The following PRIMA1 variants were observed in gnomAD, a reference collection of about 807,000 sequenced individuals.
PRIMA1 encodes proline rich membrane anchor 1, also known as proline-rich membrane anchor 1.
In PRIMA1, 7 loss-of-function variants were observed where a neutral mutation model predicts 17.5. That is an observed-to-expected ratio of 0.40 (90% CI 0.23 to 0.75). The LOEUF (loss-of-function observed/expected upper bound fraction) is 0.75, where lower values mean the gene tolerates loss of function less well. Among genes scored for constraint, PRIMA1 ranks in the 30% least tolerant of loss-of-function variants. The pLI, the probability that PRIMA1 is intolerant of heterozygous loss-of-function variation, is 0.37. For missense variants in PRIMA1, 200 were observed against 201.8 expected, an observed-to-expected ratio of 0.99 and a Z score of 0.05; for synonymous variants, 97 against 77.9, an observed-to-expected ratio of 1.25 and a Z score of -1.29.
chr14:93,737,445 T>C, intron 3 of PRIMA1, 75 bp from the exon 4 acceptor site: 1 of 1,550,366 alleles, frequency 6.5e-7, no homozygotes, highest in Non-Finnish European at 8.8e-7. Context: ...GGGACCATCA[T>C]GGGTGACACC....
rs2076074116 is a variant in PRIMA1 at position 93,726,141 on chromosome 14, T to C, written c.360-4595A>G. The C allele has an allele frequency of 3.2e-5, 14 of 443,364 alleles. No individual in the cohort carries two copies. The highest frequency in any genetic ancestry group is 2.2e-4 in the South Asian group (14 of 62,794). 27.5% of individuals were successfully genotyped at this position (443,364 alleles called of 1,614,324 possible). A position where few individuals can be genotyped will look rare whatever the true frequency, so the allele number is the denominator to read the frequency against. ...CTTGGAGGGCAGCAGGCTCCCACATTCCCTGCTCGGAGTGCCGCGCGGACA... is the reference window on the plus strand; with the variant it reads ...CTTGGAGGGCAGCAGGCTCCCACATCCCCTGCTCGGAGTGCCGCGCGGACA... On this transcript the variant is annotated intron_variant, in intron 4 of 4. Transcript: ENST00000393140. This position sits in a 1 kb window ranked among gnomAD's most constrained non-coding sequence, Gnocchi z 4.2.
intron 3 of PRIMA1, among the ~76,000 whole-genome samples, chr14:93,769,512 A>G (rs1884990413): frequency 6.6e-6 from 1 of 152,184 alleles, no homozygotes; most frequent in African/African-American, 2.4e-5. Context: ...GAAGCAGGAG[A>G]CATTCAAAGT....
chr14:93,764,829 T>A (rs1884841390), intron 3 of PRIMA1, among the ~76,000 whole-genome samples: 1 of 152,172 alleles, frequency 6.6e-6, no homozygotes, highest in Non-Finnish European at 1.5e-5. Flanking sequence ...CCGTAGCAGA[T>A]GCTGCTGGTG....
At chr14:93,756,221 T>C (rs2141175899) in intron 3 of PRIMA1, among the ~76,000 whole-genome samples, 1 of 152,300 alleles carries the variant, frequency 6.6e-6, no homozygotes, top group East Asian at 1.9e-4. Flanking sequence ...AGAAATATCT[T>C]TGATTTTAAA....
intron 2 of PRIMA1, among the ~76,000 whole-genome samples, chr14:93,786,193 A>G (rs933516448): frequency 3.9e-4 from 60 of 152,356 alleles, no homozygotes. Flanking sequence ...TAAAAGTTGA[A>G]CAAGCGAAGC....
rs2076035222 is a variant in PRIMA1 at position 93,721,166 on chromosome 14, A to G, written c.*278T>C. On this transcript the variant is annotated 3_prime_UTR_variant, in exon 5 of 5. Coordinates refer to ENST00000393140, the MANE Select transcript of PRIMA1 (RefSeq NM_178013.4). Reference sequence around the variant, plus strand: ...TAGACAGCAGCTGGGGGCAGTCGACAGACCAGACACCAGACAGGGAGGAGG... The same window carrying G: ...TAGACAGCAGCTGGGGGCAGTCGACGGACCAGACACCAGACAGGGAGGAGG... 2 of 430,100 alleles carry G rather than the reference A, an allele frequency of 4.7e-6. No individual in the cohort carries two copies. The highest frequency in any genetic ancestry group is 8.3e-6 in the Non-Finnish European group (2 of 240,046). The allele number at this position is 430,100 out of a possible 1,614,324, so 26.6% of individuals were successfully genotyped here. A position where few individuals can be genotyped will look rare whatever the true frequency, so the allele number is the denominator to read the frequency against.
chr14:93,782,148 G>T (rs977542336), intron 2 of PRIMA1, among the ~76,000 whole-genome samples: 2 of 152,024 alleles, frequency 1.3e-5, no homozygotes, highest in African/African-American at 4.8e-5. Context: ...GGCACCTGTA[G>T]TCCCAGCTAC....
Position 93,720,015 on chromosome 14 carries a change from G to A in PRIMA1, c.*1429C>T, listed in dbSNP as rs1595184241. ...GTGTCTGTCTTCTCTGGACTTCAAAGTCTCACCTGTAGCTTAAACACCTAT... is the reference window on the plus strand; with the variant it reads ...GTGTCTGTCTTCTCTGGACTTCAAAATCTCACCTGTAGCTTAAACACCTAT... On this transcript the variant is annotated 3_prime_UTR_variant, in exon 5 of 5. Coordinates refer to ENST00000393140, the MANE Select transcript of PRIMA1 (RefSeq NM_178013.4). 1 of 152,328 alleles carries A rather than the reference G, an allele frequency of 6.6e-6. No individual in the cohort carries two copies. The highest frequency in any genetic ancestry group is 1.9e-4 in the East Asian group (1 of 5,178). 9.4% of individuals were successfully genotyped at this position (152,328 alleles called of 1,614,324 possible).
At chr14:93,722,660 ATAGCGG>A (rs2076047964) in intron 4 of PRIMA1, among the ~76,000 whole-genome samples, 6 of 94,232 alleles carry the variant, frequency 6.4e-5, no homozygotes, top group South Asian at 7.3e-4. Context: ...GGCGATGGTG[ATAGCGG>A]TAATGATGAT....
intron 3 of PRIMA1, among the ~76,000 whole-genome samples, chr14:93,766,147 T>C (rs1884887783): frequency 6.6e-6 from 1 of 152,178 alleles, no homozygotes; most frequent in South Asian, 2.1e-4. Context: ...CAGAAGATGC[T>C]CATCTACTCT....
At chr14:93,749,476 C>T (rs1325164901) in intron 3 of PRIMA1, among the ~76,000 whole-genome samples, 1 of 152,108 alleles carries the variant, frequency 6.6e-6, no homozygotes, top group East Asian at 1.9e-4. Context: ...AAATCATCAC[C>T]AAGTAAATGC....
rs953997730 is a variant in PRIMA1 at position 93,759,481 on chromosome 14, GTGTGTGCGCGTGCA to G, written c.229+19681_229+19694del. On this transcript the variant is annotated intron_variant, in intron 3 of 4. Transcript: ENST00000393140. ...GGCGGGGGGCAGTCCATGCATATAT[GTGTGTGCGCGTGCA>G]TGTGTGCGTGTGCATGTGTGTGTGC... Among the ~76,000 whole-genome samples, 27 of 152,292 alleles carry G rather than the reference GTGTGTGCGCGTGCA, an allele frequency of 1.8e-4. No individual in the cohort carries two copies. In the East Asian group the frequency reaches 3.7e-3, roughly 21 times the overall value.
intron 3 of PRIMA1, among the ~76,000 whole-genome samples, chr14:93,754,856 T>C (rs2141174908): frequency 6.6e-6 from 1 of 152,004 alleles, no homozygotes; most frequent in Middle Eastern, 3.4e-3. Context: ...GTCTCAGAGG[T>C]GAGGGCTGCG....
chr14:93,758,693 C>G (rs1001970652), intron 3 of PRIMA1, among the ~76,000 whole-genome samples: 14 of 152,136 alleles, frequency 9.2e-5, no homozygotes, highest in African/African-American at 3.1e-4. Context: ...CACAGACACT[C>G]TTGTCTTCCA....
Position 93,731,253 on chromosome 14 carries a change from T to G in PRIMA1, c.359+5988A>C, listed in dbSNP as rs889388340. Among the ~76,000 whole-genome samples the G allele has an allele frequency of 2.6e-5, 4 of 152,332 alleles. No individual in the cohort carries two copies. The South Asian group carries it at 8.3e-4, about 32-fold the overall frequency. On this transcript the variant is annotated intron_variant, in intron 4 of 4. Coordinates refer to ENST00000393140, the MANE Select transcript of PRIMA1 (RefSeq NM_178013.4). ...GTCTGTACTGCAAGGGTGCTGGCCT[T>G]GGTATCTTCCACAGTGGAAAGTAAA...
intron 4 of PRIMA1, among the ~76,000 whole-genome samples, chr14:93,727,408 T>C (rs1274251388): frequency 2.0e-5 from 3 of 152,170 alleles, no homozygotes; most frequent in Non-Finnish European, 4.4e-5. Flanking sequence ...TGCGGGCTCA[T>C]GCACAGAGCC....
intron 3 of PRIMA1, among the ~76,000 whole-genome samples, chr14:93,777,788 G>C (rs933330687): frequency 6.6e-6 from 1 of 152,222 alleles, no homozygotes; most frequent in Non-Finnish European, 1.5e-5. Context: ...TTCCCTGGGA[G>C]GGCTGAGATT....
intron 3 of PRIMA1, among the ~76,000 whole-genome samples, chr14:93,737,634 G>C (rs191329871): frequency 6.6e-6 from 1 of 152,070 alleles, no homozygotes; most frequent in African/African-American, 2.4e-5. Flanking sequence ...GGACCATTAT[G>C]GGTGACACCA....
intron 3 of PRIMA1, among the ~76,000 whole-genome samples, chr14:93,777,398 G>A (rs1414663446): frequency 1.8e-4 from 27 of 152,194 alleles, no homozygotes; most frequent in Admixed American, 5.9e-4. Flanking sequence ...GTGCAGTGGC[G>A]CAATCTTGGT....
Sources: allele counts gnomAD v4.1 joint callset (sites outside exome capture counted in the v4.1 genomes callset), GRCh38; gene constraint gnomAD v4.1.1; non-coding constraint Gnocchi (gnomAD v3.1); transcripts MANE v1.5; gene names NCBI Gene and HGNC (gene_info 2026-07-23, HGNC 2026-07-21).